PRKN: variants seen among roughly 807,000 people sequenced by gnomAD.
The protein encoded by PRKN is E3 ubiquitin-protein ligase parkin.
A neutral mutation model predicts 59.5 loss-of-function variants in PRKN; 56 were observed. The observed-to-expected ratio is 0.94, with a 90% CI of 0.76 to 1.18. The LOEUF (loss-of-function observed/expected upper bound fraction) is 1.18, where lower values mean the gene tolerates loss of function less well. PRKN is among the 50% of genes most tolerant of loss of function. The pLI, the probability that PRKN is intolerant of heterozygous loss-of-function variation, is 0.00. For synonymous variants in PRKN, 250 were observed against 222.1 expected, an observed-to-expected ratio of 1.13 and a Z score of -1.12; for missense variants, 657 against 596.4, an observed-to-expected ratio of 1.10 and a Z score of -1.06.
intron 6 of PRKN, among the ~76,000 whole-genome samples, chr6:161,961,384 C>T (rs564555973): frequency 1.3e-5 from 2 of 152,192 alleles, no homozygotes; most frequent in Admixed American, 6.5e-5. Context: ...CGTATCTAGC[C>T]GGTTGGGTGT....
At chr6:161,874,102 A>C (rs1583279923) in intron 6 of PRKN, among the ~76,000 whole-genome samples, 1 of 72,626 alleles carries the variant, frequency 1.4e-5, no homozygotes, top group Non-Finnish European at 2.2e-5. Flanking sequence ...TATAATATAT[A>C]TTATATGTAA....
Position 161,393,686 on chromosome 6 carries a change from G to A in PRKN, c.1084-6809C>T, listed in dbSNP as rs1462933174. On this transcript the variant is annotated intron_variant, in intron 9 of 11. Transcript: ENST00000366898. The surrounding 1 kb of genome is among the most constrained non-coding windows in gnomAD (Gnocchi z 4.7). The stretch of plus-strand genomic sequence containing the variant: ...TATTCCAGTGGCTGCTGATCAATCA[G>A]GTTGAGAGCCAGTAGGTACCTACAA... Among the ~76,000 whole-genome samples the A allele has an allele frequency of 1.3e-5, 2 of 152,052 alleles. No individual in the cohort carries two copies. Among genetic ancestry groups the A allele is most frequent in the Non-Finnish European group, 2.9e-5 (2 of 68,010 alleles).
rs2128330402 is a variant in PRKN at position 162,201,172 on chromosome 6, G to A, written c.493C>T (p.Gln165Ter). The A allele has an allele frequency of 6.2e-7, 1 of 1,614,086 alleles. No individual in the cohort carries two copies. The highest frequency in any genetic ancestry group is 8.5e-7 in the Non-Finnish European group (1 of 1,179,970). The change falls in exon 4 of 12, where the codon CAG becomes TAG. Residue 165 changes from glutamine (Q) to a stop codon, truncating the protein, a stop_gained. Transcript: ENST00000366898. LOFTEE classifies it high-confidence loss of function. ...GTTGCCTGCCTGCAGGTGCTGCACT[G>A]TACCCTGAGTTTTCCCGGCTGCACT... The part of the protein sequence containing the change: ...QRVQPGKLRV[Q>*]CSTCRQATLT...
chr6:162,443,905 GA>G (rs35210792), intron 1 of PRKN, among the ~76,000 whole-genome samples: 37,330 of 151,958 alleles, frequency 0.25, 4,637 homozygotes, highest in African/African-American at 0.27. Flanking sequence ...TATAGCAATG[GA>G]AAAAAATCTA....
intron 7 of PRKN, among the ~76,000 whole-genome samples, chr6:161,761,761 C>T (rs975651157): frequency 9.8e-5 from 15 of 152,350 alleles, no homozygotes; most frequent in South Asian, 2.1e-4. Context: ...CAAGTACACA[C>T]TCATGAAGTG....
chr6:161,764,263 C>T (rs1021720367), intron 7 of PRKN, among the ~76,000 whole-genome samples: 2 of 152,212 alleles, frequency 1.3e-5, no homozygotes, highest in African/African-American at 2.4e-5. Flanking sequence ...GAAACCCCCA[C>T]TGAATTGCAA....
chr6:162,199,358 T>C (rs535102719), intron 4 of PRKN, among the ~76,000 whole-genome samples: 2 of 152,330 alleles, frequency 1.3e-5, no homozygotes, highest in African/African-American at 4.8e-5. Flanking sequence ...TCCTCACATC[T>C]AAAATAGGGT....
chr6:162,656,951 C>G (rs1276231747), intron 1 of PRKN, among the ~76,000 whole-genome samples: 3 of 152,220 alleles, frequency 2.0e-5, no homozygotes, highest in Non-Finnish European at 4.4e-5. Context: ...TGTTAAACAT[C>G]TACTTTCAGA....
At chr6:162,496,867 C>T (rs577590675) in intron 1 of PRKN, among the ~76,000 whole-genome samples, 3 of 152,258 alleles carry the variant, frequency 2.0e-5, no homozygotes, top group East Asian at 3.9e-4. Context: ...TTGTTTATTC[C>T]TTCAAGGCTA....
chr6:161,856,429 T>C (rs1793655923), intron 6 of PRKN, among the ~76,000 whole-genome samples: 1 of 152,002 alleles, frequency 6.6e-6, no homozygotes, highest in Non-Finnish European at 1.5e-5. Context: ...TTCTGTAGGA[T>C]GAAAAAAAGG....
At chr6:162,092,513 A>C (rs1562508194) in intron 4 of PRKN, among the ~76,000 whole-genome samples, 1 of 152,182 alleles carries the variant, frequency 6.6e-6, no homozygotes, top group Non-Finnish European at 1.5e-5. Context: ...TCTACTGCTA[A>C]TCTATTAATT....
chr6:162,103,257 G>A (rs1027342361), intron 4 of PRKN, among the ~76,000 whole-genome samples: 5 of 151,756 alleles, frequency 3.3e-5, no homozygotes, highest in Admixed American at 1.3e-4. Flanking sequence ...AATAAAACAG[G>A]AGCAATAAAA....
intron 7 of PRKN, among the ~76,000 whole-genome samples, chr6:161,708,144 T>C (rs189016239): frequency 5.3e-5 from 8 of 152,210 alleles, no homozygotes; most frequent in Non-Finnish European, 1.0e-4. Flanking sequence ...ATGATAGAAT[T>C]AGTGAATACT....
Position 162,201,254 on chromosome 6 carries a change from TGGA to T in PRKN, c.413-5_413-3del, listed in dbSNP as rs1784719528. On this transcript the variant is annotated splice_region_variant and splice_polypyrimidine_tract_variant and intron_variant, in intron 3 of 11. Transcript: ENST00000366898. The stretch of plus-strand genomic sequence containing the variant: ...AGCTGTTGTAGATTGATCTACCTGC[TGGA>T]GAAGAAAAAGCAGAAGAAGTGGCTA... The T allele has an allele frequency of 6.2e-7, 1 of 1,613,608 alleles. No individual in the cohort carries two copies. The highest frequency in any genetic ancestry group is 1.7e-5 in the Admixed American group (1 of 59,992).
chr6:162,458,443 A>T (rs9347646), intron 1 of PRKN, among the ~76,000 whole-genome samples: 33,778 of 145,038 alleles, frequency 0.23, 4,542 homozygotes, highest in East Asian at 0.41. Context: ...AAAAAAAAAA[A>T]ATTTTTTTTA....
intron 6 of PRKN, among the ~76,000 whole-genome samples, chr6:161,832,881 C>G (rs1792567545): frequency 6.6e-6 from 1 of 151,960 alleles, no homozygotes; most frequent in Admixed American, 6.6e-5. Flanking sequence ...CCTTCTCCTA[C>G]TTGGGACGAC....
At chr6:162,046,687 C>A (rs1784262889) in intron 5 of PRKN, among the ~76,000 whole-genome samples, 1 of 152,068 alleles carries the variant, frequency 6.6e-6, no homozygotes, top group African/African-American at 2.4e-5. Context: ...AATTTTCCAC[C>A]AGGTTATAAA....
intron 4 of PRKN, among the ~76,000 whole-genome samples, chr6:162,117,114 A>G (rs1219446848): frequency 6.6e-6 from 1 of 152,226 alleles, no homozygotes; most frequent in Non-Finnish European, 1.5e-5. Context: ...TGACATAAAA[A>G]CCACTTTAAA....
At chr6:161,987,077 A>G (rs539967600) in intron 5 of PRKN, among the ~76,000 whole-genome samples, 2 of 152,358 alleles carry the variant, frequency 1.3e-5, no homozygotes, top group South Asian at 4.1e-4. Flanking sequence ...TGCAGGCAGC[A>G]CAAGCCATCA....
Sources: allele counts gnomAD v4.1 joint callset (sites outside exome capture counted in the v4.1 genomes callset), GRCh38; gene constraint gnomAD v4.1.1; non-coding constraint Gnocchi (gnomAD v3.1); transcripts MANE v1.5; gene names NCBI Gene and HGNC (gene_info 2026-07-23, HGNC 2026-07-21).